The following SCHIP1 variants were observed in gnomAD, a reference collection of about 807,000 sequenced individuals.
SCHIP1 encodes the protein schwannomin interacting protein 1.
Under a neutral mutation model 29.7 loss-of-function variants are expected in SCHIP1, and 8 were observed. The observed-to-expected ratio is 0.27, with a 90% CI of 0.16 to 0.49. The LOEUF (loss-of-function observed/expected upper bound fraction) is 0.49. Among genes scored for constraint, SCHIP1 ranks in the 20% least tolerant of loss-of-function variants. The pLI is 0.99. For missense variants in SCHIP1, 193 were observed against 294.6 expected, an observed-to-expected ratio of 0.66 and a Z score of 2.52; for synonymous variants, 76 against 94.9, an observed-to-expected ratio of 0.80 and a Z score of 1.16.
intron 2 of SCHIP1, among the ~76,000 whole-genome samples, chr3:159,877,265 G>A (rs374174518): frequency 4.6e-4 from 70 of 152,246 alleles, no homozygotes; most frequent in African/African-American, 1.5e-3. Flanking sequence ...CAGGAGAATC[G>A]CTTTAACCCT....
the SCHIP1 span, among the ~76,000 whole-genome samples, chr3:159,682,757 A>AT: frequency 2.4e-4 from 37 of 152,300 alleles, no homozygotes; most frequent in Non-Finnish European, 4.6e-4. Flanking sequence ...AAATAATAAA[A>AT]TTTTATTTGG....
At chr3:159,754,850 A>G in the SCHIP1 span, among the ~76,000 whole-genome samples, 1 of 152,106 alleles carries the variant, frequency 6.6e-6, no homozygotes, top group South Asian at 2.1e-4. Context: ...TGAGGATGAA[A>G]CCTGCTTTTC....
chr3:159,802,408 G>A, the SCHIP1 span, among the ~76,000 whole-genome samples: 1 of 152,206 alleles, frequency 6.6e-6, no homozygotes, highest in East Asian at 1.9e-4. Flanking sequence ...AGACATTTAA[G>A]AGGTGTGTGT....
chr3:159,617,712 A>ACC, the SCHIP1 span, among the ~76,000 whole-genome samples: 2 of 151,260 alleles, frequency 1.3e-5, no homozygotes, highest in African/African-American at 4.9e-5. Context: ...ACCATTTACT[A>ACC]CCCCCCCTAG....
chr3:159,426,279 A>G, the SCHIP1 span, among the ~76,000 whole-genome samples: 1 of 152,322 alleles, frequency 6.6e-6, no homozygotes, highest in South Asian at 2.1e-4. Flanking sequence ...AAATAGATAG[A>G]CCAGTAGCAA....
chr3:159,360,682 A>C, the SCHIP1 span, among the ~76,000 whole-genome samples: 3 of 152,196 alleles, frequency 2.0e-5, no homozygotes, highest in African/African-American at 7.2e-5. Flanking sequence ...CTTTCTGTTC[A>C]TTCTTTGTGA....
At chr3:159,570,693 T>A in the SCHIP1 span, among the ~76,000 whole-genome samples, 1 of 152,222 alleles carries the variant, frequency 6.6e-6, no homozygotes, top group Non-Finnish European at 1.5e-5. Context: ...AAGTCATTGG[T>A]AGCTTGATGG....
the SCHIP1 span, among the ~76,000 whole-genome samples, chr3:159,524,000 A>G: frequency 6.6e-6 from 1 of 152,214 alleles, no homozygotes; most frequent in African/African-American, 2.4e-5. Flanking sequence ...CCCACTCAGC[A>G]TTTCCTGATG....
the SCHIP1 span, among the ~76,000 whole-genome samples, chr3:159,742,859 G>A: frequency 2.0e-5 from 1 of 49,176 alleles, no homozygotes; most frequent in Non-Finnish European, 4.4e-5. Context: ...TTTTTTTTTT[G>A]GATTTTTAGT....
chr3:159,275,752 A>C, the SCHIP1 span, among the ~76,000 whole-genome samples: 9 of 152,180 alleles, frequency 5.9e-5, no homozygotes, highest in Non-Finnish European at 1.0e-4. Context: ...CCTTTCAATC[A>C]TTATTGAAAC....
At chr3:159,441,468 G>GT in the SCHIP1 span, among the ~76,000 whole-genome samples, 5 of 151,826 alleles carry the variant, frequency 3.3e-5, no homozygotes, top group African/African-American at 7.3e-5. Context: ...AAGCAGCCAG[G>GT]TTTTTTTTGG....
the SCHIP1 span, among the ~76,000 whole-genome samples, chr3:159,611,664 T>C: frequency 1.4e-4 from 22 of 152,310 alleles, no homozygotes; most frequent in African/African-American, 5.3e-4. Context: ...ACCTGTATGT[T>C]CTGCACATGT....
the SCHIP1 span, among the ~76,000 whole-genome samples, chr3:159,612,473 G>A: frequency 2.6e-5 from 4 of 152,130 alleles, no homozygotes; most frequent in East Asian, 1.9e-4. Context: ...TCGGACATGC[G>A]CGGTGGCTCA....
the SCHIP1 span, among the ~76,000 whole-genome samples, chr3:159,314,576 A>C: frequency 6.6e-6 from 1 of 152,194 alleles, no homozygotes; most frequent in African/African-American, 2.4e-5. Flanking sequence ...ACCTCTGGAC[A>C]TAGGTATGTC....
chr3:159,385,590 C>CAAAAAAAAAAAAAA, the SCHIP1 span, among the ~76,000 whole-genome samples: 1 of 130,578 alleles, frequency 7.7e-6, no homozygotes. Flanking sequence ...AAAAAAAAAC[C>CAAAAAAAAAAAAAA]AAAAAAAAAA....
the SCHIP1 span, among the ~76,000 whole-genome samples, chr3:159,576,695 C>T: frequency 6.6e-6 from 1 of 152,104 alleles, no homozygotes; most frequent in Non-Finnish European, 1.5e-5. Context: ...ATGATCCTGG[C>T]TTTGTGAAGA....
chr3:159,451,383 A>G, the SCHIP1 span, among the ~76,000 whole-genome samples: 1 of 152,244 alleles, frequency 6.6e-6, no homozygotes, highest in Non-Finnish European at 1.5e-5. Flanking sequence ...AAACCACTTG[A>G]GAATCACAAC....
the SCHIP1 span, among the ~76,000 whole-genome samples, chr3:159,366,757 C>T: frequency 6.6e-6 from 1 of 152,162 alleles, no homozygotes; most frequent in Admixed American, 6.6e-5. Context: ...TCCCACTATG[C>T]CTGTTAACCT....
chr3:159,658,313 G>A, the SCHIP1 span, among the ~76,000 whole-genome samples: 3 of 152,178 alleles, frequency 2.0e-5, no homozygotes, highest in East Asian at 3.9e-4. Flanking sequence ...CTGGGGAGCA[G>A]TAGTTAGATT....
Sources: allele counts gnomAD v4.1 joint callset (sites outside exome capture counted in the v4.1 genomes callset), GRCh38; gene constraint gnomAD v4.1.1; transcripts MANE v1.5; gene names NCBI Gene and HGNC (gene_info 2026-07-23, HGNC 2026-07-21).